Variants in FAM193B observed in about 807,000 individuals in gnomAD.
FAM193B encodes the protein protein FAM193B.
Under a neutral mutation model 70.7 loss-of-function variants are expected in FAM193B, and 27 were observed. The observed-to-expected ratio is 0.38, with a 90% CI of 0.28 to 0.53. FAM193B has a LOEUF of 0.53. Ranked by LOEUF, FAM193B falls within the 20% of genes least tolerant of loss-of-function variation. The pLI is 0.81. For missense variants in FAM193B, 1,022 were observed against 1,072.5 expected (o/e 0.95, Z 0.66); for synonymous variants, 448 against 436.0 (o/e 1.03, Z -0.34).
chr5:177,544,072 G>A (rs163198), intron 1 of FAM193B, among the ~76,000 whole-genome samples: 1 of 152,126 alleles, frequency 6.6e-6, no homozygotes, highest in Non-Finnish European at 1.5e-5. Flanking sequence ...AAAGTTCTGG[G>A]GGTTCTACTG....
chr5:177,548,652 G>GT (rs1765780673), intron 1 of FAM193B, among the ~76,000 whole-genome samples: 1 of 152,170 alleles, frequency 6.6e-6, no homozygotes, highest in South Asian at 2.1e-4. Flanking sequence ...GACTGACTCT[G>GT]TAAGTCTGGG....
At position 177,537,866 on chromosome 5, in the gene FAM193B, G is replaced by C. The variant is rs1422720288; in HGVS notation, c.688+7C>G. 6.2e-7 allele frequency: 1 copy of C among 1,604,604 alleles called. No homozygotes were observed. The highest frequency in any genetic ancestry group is 8.5e-7 in the Non-Finnish European group (1 of 1,173,900). On this transcript the variant is annotated splice_region_variant and intron_variant, in intron 3 of 8. Transcript: ENST00000514747. ...GGCCTGGCTCTCTCCCGAGCCTGGA[G>C]ACTCACCGGGGATGGTAGGAGGACT...
At chr5:177,531,571 C>G in intron 5 of FAM193B, 3 of 1,215,958 alleles carry the variant, frequency 2.5e-6, no homozygotes, top group Non-Finnish European at 3.2e-6. Context: ...CTGGGGGGCC[C>G]ACAGCACTCC....
intron 1 of FAM193B, among the ~76,000 whole-genome samples, chr5:177,548,742 G>A (rs1765790388): frequency 6.6e-6 from 1 of 152,182 alleles, no homozygotes; most frequent in Non-Finnish European, 1.5e-5. Context: ...AATCACAGCT[G>A]TCTCTCCCAC....
At chr5:177,548,349 T>C (rs1231383558) in intron 1 of FAM193B, among the ~76,000 whole-genome samples, 2 of 152,028 alleles carry the variant, frequency 1.3e-5, no homozygotes, top group Non-Finnish European at 2.9e-5. Context: ...TAGCACAGAG[T>C]AGGCACAGGT....
intron 7 of FAM193B, 21 bp downstream of exon 7, chr5:177,523,936 G>C: frequency 6.2e-7 from 1 of 1,612,460 alleles, no homozygotes; most frequent in Non-Finnish European, 8.5e-7. Flanking sequence ...ACAAGTGGGA[G>C]AGCAGGCAGC....
At chr5:177,530,115 G>C (rs1215718607) in intron 5 of FAM193B, among the ~76,000 whole-genome samples, 1 of 152,174 alleles carries the variant, frequency 6.6e-6, no homozygotes, top group Non-Finnish European at 1.5e-5. Context: ...GGAGTAGGCA[G>C]GTGAAGAGGT....
rs1394840517 is a variant in FAM193B, at chr5:177,522,050, C to T, written c.2394G>A (p.Lys798=). 8 of 1,613,860 alleles carry T rather than the reference C, an allele frequency of 5.0e-6. No homozygotes were observed. Among genetic ancestry groups the T allele is most frequent in the South Asian group, 1.1e-5 (1 of 91,086 alleles). Residue 798 remains lysine (K), a synonymous_variant, in exon 8 of 9, where the codon AAG becomes AAA. Coordinates refer to ENST00000514747, the MANE Select transcript of FAM193B (RefSeq NM_001190946.3). ...TCACAGCAACTTTCTGACGAGTCTG[C>T]TTTGCAGAATCCAAACAGAACCTGT... ...YFKRFCLDSA[K]QTRQKVAVNW...
At chr5:177,546,951 A>G (rs1240830693) in intron 1 of FAM193B, among the ~76,000 whole-genome samples, 1 of 152,088 alleles carries the variant, frequency 6.6e-6, no homozygotes, top group African/African-American at 2.4e-5. Flanking sequence ...CCACTCTGCT[A>G]CTCTAACCCC....
intron 5 of FAM193B, among the ~76,000 whole-genome samples, chr5:177,529,777 G>C (rs1034246924): frequency 6.6e-6 from 1 of 152,150 alleles, no homozygotes; most frequent in Non-Finnish European, 1.5e-5. Context: ...TGCTCTCTGG[G>C]GACCTAACTG....
In FAM193B at chr5:177,525,022, G is replaced by A. The variant is rs201707860; in HGVS notation, c.1459C>T (p.Arg487Cys). The A allele has an allele frequency of 1.5e-4, 239 of 1,559,842 alleles. No individual in the cohort carries two copies. The highest frequency in any genetic ancestry group is 8.6e-4 in the Middle Eastern group (5 of 5,804). The stretch of plus-strand genomic sequence containing the variant: ...AGCTCACACACACTGAAGCTGGCAC[G>A]GATGGAGTCTTTGACAGTGTTTTTG... ...EIKNTVKDSI[R>C]ASFSVCELSM... The change falls in exon 6 of 9, where the codon CGT becomes TGT. Residue 487 changes from arginine (R) to cysteine (C), a missense_variant. Coordinates refer to ENST00000514747, the MANE Select transcript of FAM193B (RefSeq NM_001190946.3).
chr5:177,541,578 C>T (rs1234766331), intron 1 of FAM193B, among the ~76,000 whole-genome samples: 1 of 152,120 alleles, frequency 6.6e-6, no homozygotes, highest in Non-Finnish European at 1.5e-5. Context: ...GCCACCACGC[C>T]CGGCTAATTT....
chr5:177,524,095 G>C (rs1762195415), intron 6 of FAM193B, 63 bp from the exon 7 acceptor site: 3 of 1,612,670 alleles, frequency 1.9e-6, no homozygotes. Flanking sequence ...TATGCTCTGG[G>C]GGCAGCGCTG....
intron 1 of FAM193B, chr5:177,554,004 G>A (rs1408658083): frequency 3.9e-6 from 5 of 1,298,082 alleles, no homozygotes; most frequent in Non-Finnish European, 4.9e-6. Context: ...GGAACGCCCG[G>A]AGGCGGCGGG....
intron 1 of FAM193B, among the ~76,000 whole-genome samples, chr5:177,549,573 G>GA (rs746844382): frequency 1.4e-4 from 22 of 152,332 alleles, no homozygotes; most frequent in Non-Finnish European, 2.6e-4. Context: ...TCCAGGATTT[G>GA]AACCTTTATT....
intron 4 of FAM193B, among the ~76,000 whole-genome samples, chr5:177,534,843 C>A (rs1221240451): frequency 6.6e-6 from 1 of 152,094 alleles, no homozygotes; most frequent in Non-Finnish European, 1.5e-5. Context: ...GTCTCCAACT[C>A]CTGGGCTCAA....
chr5:177,524,571 C>A lies in FAM193B; in HGVS notation c.1910G>T (p.Gly637Val). The change falls in exon 6 of 9, where the codon GGC becomes GTC. Residue 637 changes from glycine to valine, a missense_variant. Transcript: ENST00000514747. ...PVSSGGKPQK[G>V]KRQGSQAKKS... ...CTTGGCCTGACTGCCCTGCCTCTTG[C>A]CCTTCTGTGGCTTCCCACCTGAGGA... is the stretch of plus-strand genomic sequence containing the variant. The A allele has an allele frequency of 6.2e-7, 1 of 1,610,042 alleles. No individual in the cohort carries two copies. The highest frequency in any genetic ancestry group is 8.5e-7 in the Non-Finnish European group (1 of 1,178,152).
At position 177,524,816 on chromosome 5, in the gene FAM193B, T is replaced by C; in HGVS notation, c.1665A>G (p.Pro555=). The C allele has an allele frequency of 6.6e-7, 1 of 1,511,954 alleles. No individual in the cohort carries two copies. 93.7% of individuals were successfully genotyped at this position (1,511,954 alleles called of 1,614,324 possible). A position where few individuals can be genotyped will look rare whatever the true frequency, so the allele number is the denominator to read the frequency against. ...GGGGGCCTCTCATTTCTGCCCATGG[T>C]GGGGCTGGCTCGCCTGGAGCTTGTA... ...HTLQAPGEPA[P]PWAEMRGPHP... Residue 555 remains proline (P), a synonymous_variant, in exon 6 of 9, where the codon CCA becomes CCG. Transcript: ENST00000514747.
At chr5:177,530,429 A>G (rs748326685) in intron 5 of FAM193B, among the ~76,000 whole-genome samples, 6 of 152,012 alleles carry the variant, frequency 3.9e-5, no homozygotes, top group Non-Finnish European at 8.8e-5. Flanking sequence ...CCCTGCCTCC[A>G]TCTCCCTCTC....
Sources: gnomAD v4.1 joint callset for allele counts (sites outside exome capture counted in the v4.1 genomes callset) on GRCh38, gnomAD v4.1.1 for gene constraint, MANE v1.5 for transcripts, NCBI Gene and HGNC (gene_info 2026-07-23, HGNC 2026-07-21) for gene names.